ANKS1B: variants seen among roughly 807,000 people sequenced by gnomAD.
ANKS1B encodes ankyrin repeat and sterile alpha motif domain containing 1B.
Under a neutral mutation model 148.3 loss-of-function variants are expected in ANKS1B, and 36 were observed. The observed-to-expected ratio is 0.24, with a 90% confidence interval of 0.19 to 0.32. ANKS1B has a LOEUF of 0.32. Ranked by LOEUF, ANKS1B falls within the 10% of genes least tolerant of loss-of-function variation. The pLI, the probability that ANKS1B is intolerant of heterozygous loss-of-function variation, is 1.00. For missense variants in ANKS1B, 1,157 were observed against 1,542.6 expected (o/e 0.75, Z 4.19); for synonymous variants, 542 against 560.8 (o/e 0.97, Z 0.47).
Position 98,744,106 on chromosome 12 carries a change from A to C in ANKS1B, c.*1633T>G. On this transcript the variant is annotated 3_prime_UTR_variant, in exon 27 of 27. Coordinates refer to ENST00000683438, the MANE Select transcript of ANKS1B (RefSeq NM_001352186.2). Reference sequence around the variant, plus strand: ...CTTCTGTTTCAGCAAAGCTCCTATTAACTTTGCTCCTATACAATTGCCTCC... The same window carrying C: ...CTTCTGTTTCAGCAAAGCTCCTATTCACTTTGCTCCTATACAATTGCCTCC... The C allele has an allele frequency of 1.0e-6, 1 of 985,492 alleles. No homozygotes were observed. The highest frequency in any genetic ancestry group is 1.1e-4 in the East Asian group (1 of 8,812). The allele number at this position is 985,492 out of a possible 1,614,324, so 61.0% of individuals were successfully genotyped here.
At chr12:99,422,863 T>C (rs919678244) in intron 11 of ANKS1B, among the ~76,000 whole-genome samples, 2 of 152,148 alleles carry the variant, frequency 1.3e-5, no homozygotes, top group Non-Finnish European at 2.9e-5. Context: ...AGTAAAAATT[T>C]CCTACAAAGG....
chr12:99,917,187 C>T (rs1218390795), intron 1 of ANKS1B, among the ~76,000 whole-genome samples: 1 of 152,204 alleles, frequency 6.6e-6, no homozygotes, highest in Non-Finnish European at 1.5e-5. Flanking sequence ...AGAAGCAATA[C>T]TTCATGATCA....
chr12:99,474,997 T>C (rs2096294071), intron 10 of ANKS1B, among the ~76,000 whole-genome samples: 1 of 151,762 alleles, frequency 6.6e-6, no homozygotes, highest in African/African-American at 2.4e-5. Flanking sequence ...AGCACACTGG[T>C]AGGCCGAGGT....
intron 1 of ANKS1B, among the ~76,000 whole-genome samples, chr12:99,928,271 A>ATTTT (rs763106581): frequency 3.0e-5 from 3 of 99,114 alleles, no homozygotes; most frequent in Non-Finnish European, 4.6e-5. Context: ...ATTTTATTTT[A>ATTTT]TTTTTTTTTT....
At chr12:99,746,161 A>G (rs1443116862) in intron 8 of ANKS1B, among the ~76,000 whole-genome samples, 3 of 152,318 alleles carry the variant, frequency 2.0e-5, no homozygotes, top group Admixed American at 2.0e-4. Context: ...CATGATATCA[A>G]TGAACAAATG....
chr12:99,460,369 ACCAAGAAC>A (rs2095933566), intron 10 of ANKS1B, among the ~76,000 whole-genome samples: 1 of 152,152 alleles, frequency 6.6e-6, no homozygotes, highest in Admixed American at 6.6e-5. Context: ...AGACTTCATG[ACCAAGAAC>A]CCAAAAACAA....
At chr12:98,899,333 A>G (rs2099768975) in intron 17 of ANKS1B, among the ~76,000 whole-genome samples, 1 of 152,214 alleles carries the variant, frequency 6.6e-6, no homozygotes. Context: ...AATATGTAGT[A>G]CTTTTCACTA....
At chr12:99,149,222 T>C (rs1356533913) in intron 15 of ANKS1B, among the ~76,000 whole-genome samples, 6 of 152,152 alleles carry the variant, frequency 3.9e-5, no homozygotes, top group African/African-American at 9.7e-5. Flanking sequence ...AGAAAAGTTA[T>C]GTAAAAGTGG....
intron 1 of ANKS1B, among the ~76,000 whole-genome samples, chr12:99,925,819 A>G (rs2094465750): frequency 6.6e-6 from 1 of 152,248 alleles, no homozygotes; most frequent in South Asian, 2.1e-4. Flanking sequence ...ATCCAATATG[A>G]ACATTTCCAA....
At chr12:99,750,694 C>T (rs2061027141) in intron 8 of ANKS1B, among the ~76,000 whole-genome samples, 1 of 151,918 alleles carries the variant, frequency 6.6e-6, no homozygotes, top group Admixed American at 6.6e-5. Flanking sequence ...TAACCTCCTA[C>T]CTCACCTGTA....
intron 8 of ANKS1B, among the ~76,000 whole-genome samples, chr12:99,738,090 G>C (rs192017230): frequency 1.3e-5 from 2 of 152,206 alleles, no homozygotes; most frequent in African/African-American, 4.8e-5. Flanking sequence ...TGTAAAGCAG[G>C]CACAACTGTT....
At chr12:98,881,576 T>C (rs980105574) in intron 17 of ANKS1B, among the ~76,000 whole-genome samples, 2 of 152,174 alleles carry the variant, frequency 1.3e-5, no homozygotes. Context: ...GAACAAATAT[T>C]ATCCAAGATT....
chr12:98,907,009 GTGT>G (rs2063319854), intron 17 of ANKS1B, among the ~76,000 whole-genome samples: 1 of 11,546 alleles, frequency 8.7e-5, no homozygotes, highest in Non-Finnish European at 4.8e-4. Context: ...GTTACTCTGT[GTGT>G]GTGTGTGTGT....
chr12:99,850,194 T>C (rs568742327), intron 1 of ANKS1B, among the ~76,000 whole-genome samples: 23 of 152,040 alleles, frequency 1.5e-4, no homozygotes, highest in African/African-American at 5.5e-4. Flanking sequence ...ATATTAATCT[T>C]TCCTTTTCTT....
At chr12:99,874,198 T>C (rs2091851933) in intron 1 of ANKS1B, among the ~76,000 whole-genome samples, 2 of 152,010 alleles carry the variant, frequency 1.3e-5, no homozygotes, top group African/African-American at 4.8e-5. Context: ...CATGGACCTA[T>C]GCAATCAGAC....
chr12:98,832,507 TC>T (rs1040719073), intron 17 of ANKS1B, among the ~76,000 whole-genome samples: 29 of 152,204 alleles, frequency 1.9e-4, no homozygotes, highest in African/African-American at 7.0e-4. Flanking sequence ...TCTGTCTCTT[TC>T]CCTCCATCCA....
intron 9 of ANKS1B, among the ~76,000 whole-genome samples, chr12:99,585,303 T>A (rs917420282): frequency 2.0e-5 from 3 of 152,030 alleles, no homozygotes; most frequent in African/African-American, 7.2e-5. Context: ...TCCAAAATGA[T>A]CTCCTTTGAC....
chr12:99,486,556 G>C (rs2096492207), intron 10 of ANKS1B, among the ~76,000 whole-genome samples: 1 of 151,958 alleles, frequency 6.6e-6, no homozygotes, highest in Non-Finnish European at 1.5e-5. Flanking sequence ...TAGGGGAGGT[G>C]TCCCTTGACA....
At chr12:98,914,718 C>A (rs2099791820) in intron 17 of ANKS1B, among the ~76,000 whole-genome samples, 1 of 152,152 alleles carries the variant, frequency 6.6e-6, no homozygotes, top group Non-Finnish European at 1.5e-5. Flanking sequence ...GCCTGGAATA[C>A]CCCCACCCTT....
Sources: allele counts gnomAD v4.1 joint callset (sites outside exome capture counted in the v4.1 genomes callset), GRCh38; gene constraint gnomAD v4.1.1; transcripts MANE v1.5; gene names NCBI Gene and HGNC (gene_info 2026-07-23, HGNC 2026-07-21).